NHLRC2: variants seen among roughly 807,000 people sequenced by gnomAD.
NHLRC2 encodes the protein NHL repeat containing 2.
A neutral mutation model predicts 68.1 loss-of-function variants in NHLRC2; 33 were observed. The ratio of observed to expected loss-of-function variants is 0.48; its 90% CI spans 0.37 to 0.65. The LOEUF (loss-of-function observed/expected upper bound fraction) is 0.65. Ranked by LOEUF, NHLRC2 falls within the 30% of genes least tolerant of loss-of-function variation. The pLI, the probability that NHLRC2 is intolerant of heterozygous loss-of-function variation, is 0.00. For missense variants in NHLRC2, 761 were observed against 853.8 expected, an observed-to-expected ratio of 0.89 and a Z score of 1.35; for synonymous variants, 311 against 309.6, an observed-to-expected ratio of 1.00 and a Z score of -0.05.
Position 113,903,701 on chromosome 10 carries a change from A to G in NHLRC2, c.1669A>G (p.Lys557Glu), listed in dbSNP as rs1361223641. ...YVADTNNHQIKVMDLETKMVS... is the reference protein window; with the variant it reads ...YVADTNNHQIEVMDLETKMVS... ...AGCAGACACCAATAATCATCAAATTAAAGTGATGGATTTAGAAACTAAAAT... is the reference window on the plus strand; with the variant it reads ...AGCAGACACCAATAATCATCAAATTGAAGTGATGGATTTAGAAACTAAAAT... The change falls in exon 9 of 11, where the codon AAA becomes GAA. Residue 557 changes from lysine to glutamate, a missense_variant. Physicochemically the swap from Lys to Glu is moderately conservative, Grantham distance 56. Transcript: ENST00000369301. The G allele has an allele frequency of 7.6e-6, 12 of 1,587,950 alleles. No individual in the cohort carries two copies. The highest frequency in any genetic ancestry group is 1.3e-5 in the African/African-American group (1 of 74,364).
At position 113,911,328 on chromosome 10, in the gene NHLRC2, A is replaced by G. The variant is rs1439198186; in HGVS notation, c.*2792A>G. ...ACATTCTGTCTTAAGCAAATATTTA[A>G]CAAGAGAAAACTTTGTAGTTTAATC... On this transcript the variant is annotated 3_prime_UTR_variant, in exon 11 of 11. Coordinates refer to ENST00000369301, the MANE Select transcript of NHLRC2 (RefSeq NM_198514.4). 6.6e-6 allele frequency: 1 copy of G among 152,148 alleles called. No individual in the cohort carries two copies. The highest frequency in any genetic ancestry group is 2.4e-5 in the African/African-American group (1 of 41,452). 9.4% of individuals were successfully genotyped at this position (152,148 alleles called of 1,614,324 possible). A position where few individuals can be genotyped will look rare whatever the true frequency, so the allele number is the denominator to read the frequency against.
At chr10:113,875,912 CTTTT>C (rs78571661) in intron 2 of NHLRC2, among the ~76,000 whole-genome samples, 3 of 132,738 alleles carry the variant, frequency 2.3e-5, no homozygotes, top group Non-Finnish European at 1.6e-5. Flanking sequence ...CAGCCAAACA[CTTTT>C]TTTTTTTTTT....
chr10:113,908,195 G>A (rs948398599), intron 10 of NHLRC2, 85 bp from the exon 11 acceptor site: 27 of 1,000,416 alleles, frequency 2.7e-5, no homozygotes, highest in Admixed American at 1.6e-4. Context: ...AATATTTGTC[G>A]ATCGAGTTTA....
chr10:113,902,743 T>C, intron 8 of NHLRC2, 150 bp downstream of exon 8: 1 of 680,014 alleles, frequency 1.5e-6, no homozygotes, highest in Non-Finnish European at 2.5e-6. Flanking sequence ...TTCTGCTCTT[T>C]TCTTGGTCCT....
intron 7 of NHLRC2, 72 bp downstream of exon 7, chr10:113,901,969 TTAA>T: frequency 9.4e-7 from 1 of 1,067,598 alleles, no homozygotes. Flanking sequence ...TTATGGAAAG[TTAA>T]TAAGATTTAA....
At chr10:113,860,403 A>C (rs1286458797) in intron 2 of NHLRC2, among the ~76,000 whole-genome samples, 2 of 152,160 alleles carry the variant, frequency 1.3e-5, no homozygotes, top group Admixed American at 6.5e-5. Flanking sequence ...AAAAAATTAA[A>C]AATATTTTTA....
intron 5 of NHLRC2, among the ~76,000 whole-genome samples, chr10:113,887,045 T>C (rs1024580825): frequency 6.6e-6 from 1 of 151,936 alleles, no homozygotes; most frequent in African/African-American, 2.4e-5. Flanking sequence ...AACTAAAATA[T>C]AGGGAAAGGG....
Position 113,902,527 on chromosome 10 carries a change from C to T in NHLRC2, c.1428C>T (p.His476=), listed in dbSNP as rs764086922. ...TAGGAATCAATGCAAAGCTTCAACA[C>T]CCCCTTGGAGTAACATGGGACAAAA... ...DGVGINAKLQ[H]PLGVTWDKKR... The change falls in exon 8 of 11, where the codon CAC becomes CAT. Residue 476 remains histidine, a synonymous_variant. Coordinates refer to ENST00000369301, the MANE Select transcript of NHLRC2 (RefSeq NM_198514.4). 1.9e-6 allele frequency: 3 copies of T among 1,603,944 alleles called. No individual in the cohort carries two copies. Among genetic ancestry groups the T allele is most frequent in the Admixed American group, 1.7e-5 (1 of 59,044 alleles).
intron 2 of NHLRC2, among the ~76,000 whole-genome samples, chr10:113,864,384 A>G (rs1007547540): frequency 1.3e-5 from 2 of 152,118 alleles, no homozygotes; most frequent in African/African-American, 4.8e-5. Flanking sequence ...AAAATAGTAA[A>G]TCTTATGGAA....
intron 2 of NHLRC2, among the ~76,000 whole-genome samples, chr10:113,874,104 C>T (rs990263372): frequency 1.3e-5 from 2 of 151,934 alleles, no homozygotes; most frequent in Admixed American, 6.6e-5. Flanking sequence ...TTCATAATCT[C>T]TTCTGATATT....
rs1846342432 is a variant in NHLRC2, at chr10:113,912,862, G to A, written c.*4326G>A. On this transcript the variant is annotated 3_prime_UTR_variant, in exon 11 of 11. Coordinates refer to ENST00000369301, the MANE Select transcript of NHLRC2 (RefSeq NM_198514.4). ...TCAAACAAGGGGAAGTAGTGGTGGA[G>A]CCTTTATTCAGGCACGGGTCTCCTC... is the stretch of plus-strand genomic sequence containing the variant. The A allele has an allele frequency of 6.6e-6, 1 of 152,168 alleles. No homozygotes were observed. The highest frequency in any genetic ancestry group is 2.4e-5 in the African/African-American group (1 of 41,426). The allele number at this position is 152,168 out of a possible 1,614,324, so 9.4% of individuals were successfully genotyped here. A position where few individuals can be genotyped will look rare whatever the true frequency, so the allele number is the denominator to read the frequency against.
rs1295125445 is a variant in NHLRC2, at chr10:113,916,000, A to G, written c.*7464A>G. The G allele has an allele frequency of 1.3e-5, 2 of 152,216 alleles. No individual in the cohort carries two copies. The highest frequency in any genetic ancestry group is 4.8e-5 in the African/African-American group (2 of 41,464). 9.4% of individuals were successfully genotyped at this position (152,216 alleles called of 1,614,324 possible). ...TATGTTGAGGTAAATAGGGCAAAACATTAGTTGATAAATTATGCTAATTAA... is the reference window on the plus strand; with the variant it reads ...TATGTTGAGGTAAATAGGGCAAAACGTTAGTTGATAAATTATGCTAATTAA... On this transcript the variant is annotated 3_prime_UTR_variant, in exon 11 of 11. Coordinates refer to ENST00000369301, the MANE Select transcript of NHLRC2 (RefSeq NM_198514.4).
intron 5 of NHLRC2, among the ~76,000 whole-genome samples, chr10:113,887,127 C>T (rs1846089882): frequency 6.6e-6 from 1 of 152,128 alleles, no homozygotes; most frequent in Admixed American, 6.5e-5. Context: ...CATCTCTAAT[C>T]ATCAAGGAAA....
chr10:113,904,529 A>G (rs1846256855), intron 9 of NHLRC2, among the ~76,000 whole-genome samples: 1 of 152,174 alleles, frequency 6.6e-6, no homozygotes, highest in Non-Finnish European at 1.5e-5. Context: ...GCATGTTTAA[A>G]TTTATAAACT....
At position 113,911,932 on chromosome 10, in the gene NHLRC2, A is replaced by T. The variant is rs1050586255; in HGVS notation, c.*3396A>T. 2.0e-5 allele frequency: 3 copies of T among 152,078 alleles called. No homozygotes were observed. Among genetic ancestry groups the T allele is most frequent in the Non-Finnish European group, 4.4e-5 (3 of 67,990 alleles). The allele number at this position is 152,078 out of a possible 1,614,324, so 9.4% of individuals were successfully genotyped here. On this transcript the variant is annotated 3_prime_UTR_variant, in exon 11 of 11. Coordinates refer to ENST00000369301, the MANE Select transcript of NHLRC2 (RefSeq NM_198514.4). ...TATTTTTAAAATCACGGTGGGGGGA[A>T]ACCCATAAAGTTTAAAGAGTTAAAG...
chr10:113,900,776 C>A (rs1368095329), intron 6 of NHLRC2, among the ~76,000 whole-genome samples: 1 of 152,144 alleles, frequency 6.6e-6, no homozygotes, highest in Non-Finnish European at 1.5e-5. Context: ...TTGCCTCTGT[C>A]CCCTGCTCCC....
Position 113,879,581 on chromosome 10 carries a change from C to A in NHLRC2, c.795C>A (p.Asn265Lys). 1 of 1,601,186 alleles carries A rather than the reference C, an allele frequency of 6.2e-7. No individual in the cohort carries two copies. The highest frequency in any genetic ancestry group is 8.5e-7 in the Non-Finnish European group (1 of 1,174,202). ...GQIQYSIGGP[N>K]PGRKDGIFSE... ...AATTTTATCTTATTTTAGGACCCAACCCTGGAAGAAAAGATGGAATATTTT... is the reference window on the plus strand; with the variant it reads ...AATTTTATCTTATTTTAGGACCCAAACCTGGAAGAAAAGATGGAATATTTT... Residue 265 changes from asparagine to lysine, a missense_variant, in exon 4 of 11, where the codon AAC (asparagine) becomes AAA (lysine). By Grantham distance (94) the Asn-to-Lys change is moderately conservative. Transcript: ENST00000369301.
At chr10:113,863,392 G>A (rs532536324) in intron 2 of NHLRC2, among the ~76,000 whole-genome samples, 15 of 152,024 alleles carry the variant, frequency 9.9e-5, no homozygotes, top group Non-Finnish European at 2.1e-4. Context: ...AAAACACATA[G>A]GTAATTATTA....
intron 4 of NHLRC2, among the ~76,000 whole-genome samples, chr10:113,882,838 C>A (rs545307142): frequency 1.3e-5 from 2 of 151,668 alleles, no homozygotes; most frequent in Non-Finnish European, 3.0e-5. Context: ...ATAATTAGGT[C>A]TTTGATCCAT....
Sources: gnomAD v4.1 joint callset for allele counts (sites outside exome capture counted in the v4.1 genomes callset) on GRCh38, gnomAD v4.1.1 for gene constraint, MANE v1.5 for transcripts, NCBI Gene and HGNC (gene_info 2026-07-23, HGNC 2026-07-21) for gene names.